The following IMMP2L variants were observed in gnomAD, a reference collection of about 807,000 sequenced individuals.
The protein encoded by IMMP2L is mitochondrial inner membrane protease subunit 2.
Under a neutral mutation model 19.3 loss-of-function variants are expected in IMMP2L, and 18 were observed. That is an observed-to-expected ratio of 0.93 (90% CI 0.64 to 1.38). The LOEUF (loss-of-function observed/expected upper bound fraction) is 1.38. IMMP2L is among the 40% of genes most tolerant of loss of function. The pLI, the probability that IMMP2L is intolerant of heterozygous loss-of-function variation, is 0.00. For synonymous variants in IMMP2L, 76 were observed against 73.0 expected, an observed-to-expected ratio of 1.04 and a Z score of -0.21; for missense variants, 233 against 218.2, an observed-to-expected ratio of 1.07 and a Z score of -0.43.
chr7:110,728,152 A>T lies in IMMP2L; in HGVS notation c.409-64431T>A, dbSNP rs577515479. 1.3e-5 allele frequency among the ~76,000 whole-genome samples: 2 copies of T among 152,332 alleles called. No homozygotes were observed. The highest frequency in any genetic ancestry group is 4.1e-4 in the South Asian group (2 of 4,832). On this transcript the variant is annotated intron_variant, in intron 5 of 5. Transcript: ENST00000405709. The surrounding 1 kb of genome is among the most constrained non-coding windows in gnomAD (Gnocchi z 4.6). ...ATTTAATGCTTGGCCAATAGTAAGC[A>T]TTCATACATAATATCTGCCATGCTT...
At chr7:111,015,824 T>C (rs1825453921) in intron 3 of IMMP2L, among the ~76,000 whole-genome samples, 1 of 152,162 alleles carries the variant, frequency 6.6e-6, no homozygotes, top group Admixed American at 6.5e-5. Context: ...AAAAAACTTT[T>C]CGATGCTAGT....
intron 3 of IMMP2L, among the ~76,000 whole-genome samples, chr7:111,112,759 A>C (rs1799389577): frequency 6.6e-6 from 1 of 152,180 alleles, no homozygotes; most frequent in African/African-American, 2.4e-5. Flanking sequence ...GGGAACTAAA[A>C]ATACAGCCCA....
chr7:110,745,450 G>C (rs955043339), intron 5 of IMMP2L, among the ~76,000 whole-genome samples: 3 of 151,874 alleles, frequency 2.0e-5, no homozygotes, highest in Non-Finnish European at 2.9e-5. Context: ...ACATAATTGT[G>C]AGATTCACCA....
chr7:111,538,789 G>T (rs1457929990), intron 1 of IMMP2L, among the ~76,000 whole-genome samples: 1 of 140,636 alleles, frequency 7.1e-6, no homozygotes, highest in African/African-American at 2.7e-5. Context: ...CAGCCTGGGT[G>T]ACAGAGCAAT....
intron 3 of IMMP2L, among the ~76,000 whole-genome samples, chr7:111,462,432 A>G (rs1274648035): frequency 1.3e-5 from 2 of 152,172 alleles, no homozygotes; most frequent in African/African-American, 4.8e-5. Flanking sequence ...CCAATGAAAC[A>G]CAGTTAATTA....
intron 4 of IMMP2L, among the ~76,000 whole-genome samples, chr7:110,947,183 A>T (rs910974787): frequency 1.1e-4 from 16 of 152,198 alleles, no homozygotes; most frequent in Non-Finnish European, 1.3e-4. Flanking sequence ...GATTAAAATG[A>T]TTTGAATACT....
At chr7:111,144,161 T>C (rs1194509786) in intron 3 of IMMP2L, among the ~76,000 whole-genome samples, 1 of 152,160 alleles carries the variant, frequency 6.6e-6, no homozygotes, top group African/African-American at 2.4e-5. Flanking sequence ...TACTTCTCTA[T>C]GTCTCCCCAG....
chr7:111,546,713 C>T (rs980412874), intron 1 of IMMP2L, among the ~76,000 whole-genome samples: 2 of 152,122 alleles, frequency 1.3e-5, no homozygotes, highest in African/African-American at 4.8e-5. Flanking sequence ...TCTGCTCTCT[C>T]CCTAATCACT....
chr7:111,143,619 G>T (rs564802138), intron 3 of IMMP2L, among the ~76,000 whole-genome samples: 1 of 152,142 alleles, frequency 6.6e-6, no homozygotes, highest in South Asian at 2.1e-4. Flanking sequence ...TCAAATGAAA[G>T]AATTCTTTTA....
At chr7:111,264,656 G>C (rs184067233) in intron 3 of IMMP2L, among the ~76,000 whole-genome samples, 3 of 151,346 alleles carry the variant, frequency 2.0e-5, no homozygotes, top group African/African-American at 7.3e-5. Context: ...AAGATTAGAC[G>C]GTGAGATTGG....
At chr7:110,694,128 T>G (rs905660903) in intron 5 of IMMP2L, among the ~76,000 whole-genome samples, 6 of 152,192 alleles carry the variant, frequency 3.9e-5, no homozygotes, top group African/African-American at 1.2e-4. Context: ...CTTGTGAAAC[T>G]CTGGGATACA....
intron 3 of IMMP2L, among the ~76,000 whole-genome samples, chr7:111,449,176 A>C: frequency 6.8e-6 from 1 of 147,964 alleles, no homozygotes; most frequent in Non-Finnish European, 1.5e-5. Flanking sequence ...CCCAATCAAT[A>C]GAAAAAGAGG....
chr7:111,127,141 C>T (rs577347126), intron 3 of IMMP2L, among the ~76,000 whole-genome samples: 10 of 152,228 alleles, frequency 6.6e-5, no homozygotes, highest in African/African-American at 1.2e-4. Context: ...TTTTACAACC[C>T]GATGAATCAC....
intron 3 of IMMP2L, among the ~76,000 whole-genome samples, chr7:111,046,176 A>G (rs748131571): frequency 6.6e-6 from 1 of 152,202 alleles, no homozygotes; most frequent in African/African-American, 2.4e-5. Flanking sequence ...TAGAAACACA[A>G]GAATAAAATA....
chr7:111,257,749 G>A (rs1237589675), intron 3 of IMMP2L, among the ~76,000 whole-genome samples: 13 of 151,760 alleles, frequency 8.6e-5, no homozygotes, highest in South Asian at 2.1e-4. Flanking sequence ...CAAAATATAC[G>A]GCCTATACAT....
At chr7:110,894,308 G>A (rs1282789118) in intron 4 of IMMP2L, among the ~76,000 whole-genome samples, 1 of 152,170 alleles carries the variant, frequency 6.6e-6, no homozygotes, top group Non-Finnish European at 1.5e-5. Context: ...GGTGAGGGAT[G>A]GGACCTGTGT....
At chr7:110,926,017 A>G (rs1382278924) in intron 4 of IMMP2L, among the ~76,000 whole-genome samples, 1 of 152,066 alleles carries the variant, frequency 6.6e-6, no homozygotes, top group Non-Finnish European at 1.5e-5. Context: ...CAAAAAATAT[A>G]CTAATGATGA....
chr7:111,318,849 T>C (rs994667792), intron 3 of IMMP2L, among the ~76,000 whole-genome samples: 1 of 152,154 alleles, frequency 6.6e-6, no homozygotes, highest in Non-Finnish European at 1.5e-5. Context: ...TCATTTCAAT[T>C]AACAAGCTAA....
In IMMP2L at chr7:111,549,242, G is replaced by A. The variant is rs974889682; in HGVS notation, c.-3+12609C>T. 5.9e-5 allele frequency among the ~76,000 whole-genome samples: 9 copies of A among 152,118 alleles called. No individual in the cohort carries two copies. In the South Asian group the frequency reaches 6.2e-4, roughly 11 times the overall value. The stretch of plus-strand genomic sequence containing the variant: ...AGTAACCAAGTCTGACTCATTAACC[G>A]AACAATTCCCCACTATTCTCTGAGT... On this transcript the variant is annotated intron_variant, in intron 1 of 5. Coordinates refer to ENST00000405709, the MANE Select transcript of IMMP2L (RefSeq NM_032549.4).
Sources: gnomAD v4.1 joint callset for allele counts (sites outside exome capture counted in the v4.1 genomes callset) on GRCh38, gnomAD v4.1.1 for gene constraint, Gnocchi (gnomAD v3.1) non-coding constraint, MANE v1.5 for transcripts, NCBI Gene and HGNC (gene_info 2026-07-23, HGNC 2026-07-21) for gene names.